Variants in LRP1B observed in about 807,000 individuals in gnomAD.
LRP1B encodes the protein LDL receptor related protein 1B.
A neutral mutation model predicts 556.6 loss-of-function variants in LRP1B; 217 were observed. The ratio of observed to expected loss-of-function variants is 0.39; its 90% confidence interval spans 0.35 to 0.44. The LOEUF is 0.44. Among genes scored for constraint, LRP1B ranks in the 20% least tolerant of loss-of-function variants. The pLI is 1.00. For synonymous variants in LRP1B, 2,047 were observed against 1,865.8 expected (o/e 1.10, Z -2.50); for missense variants, 5,053 against 5,620.8 (o/e 0.90, Z 3.23).
intron 1 of LRP1B, among the ~76,000 whole-genome samples, chr2:141,838,004 TAAA>T (rs945436206): frequency 6.6e-6 from 1 of 151,906 alleles, no homozygotes; most frequent in Non-Finnish European, 1.5e-5. Context: ...AGAATAGGAG[TAAA>T]CGTGGAGCCG....
chr2:140,560,937 AG>A (rs1680906924), intron 43 of LRP1B, among the ~76,000 whole-genome samples: 1 of 152,196 alleles, frequency 6.6e-6, no homozygotes, highest in Admixed American at 6.5e-5. Context: ...ACACACAAAA[AG>A]AAAGATAAAT....
chr2:141,774,427 G>C (rs1265602805), intron 2 of LRP1B, among the ~76,000 whole-genome samples: 1 of 152,066 alleles, frequency 6.6e-6, no homozygotes, highest in South Asian at 2.1e-4. Flanking sequence ...GATCTTGTGT[G>C]CACTAATGAG....
chr2:140,438,028 G>A (rs1558882573), intron 66 of LRP1B, among the ~76,000 whole-genome samples: 1 of 151,964 alleles, frequency 6.6e-6, no homozygotes, highest in Non-Finnish European at 1.5e-5. Flanking sequence ...TTGATTGTTT[G>A]TTTTTTCTGA....
intron 45 of LRP1B, among the ~76,000 whole-genome samples, chr2:140,539,931 A>T (rs981843595): frequency 6.6e-6 from 1 of 152,062 alleles, no homozygotes; most frequent in African/African-American, 2.4e-5. Flanking sequence ...TTTTGCTAAG[A>T]GGTGCCTTTT....
intron 35 of LRP1B, among the ~76,000 whole-genome samples, chr2:140,738,287 T>C (rs1426202701): frequency 6.6e-6 from 1 of 152,096 alleles, no homozygotes; most frequent in African/African-American, 2.4e-5. Context: ...GGTAGTTTCA[T>C]TGACCTCCCT....
intron 18 of LRP1B, among the ~76,000 whole-genome samples, chr2:140,965,604 G>A (rs984681705): frequency 3.3e-5 from 5 of 151,740 alleles, no homozygotes; most frequent in East Asian, 1.9e-4. Context: ...TTTGCACAAC[G>A]TGCAGATTTG....
At chr2:141,752,987 A>C (rs1027564469) in intron 2 of LRP1B, among the ~76,000 whole-genome samples, 42 of 136,630 alleles carry the variant, frequency 3.1e-4, no homozygotes, top group Non-Finnish European at 6.1e-4. Context: ...TGGCTCGAAC[A>C]CCTGTAATCC....
chr2:140,807,723 G>A (rs927305872), intron 32 of LRP1B, among the ~76,000 whole-genome samples: 1 of 152,034 alleles, frequency 6.6e-6, no homozygotes, highest in African/African-American at 2.4e-5. Flanking sequence ...ATATCTAAGA[G>A]AAAAGGTTGT....
intron 1 of LRP1B, among the ~76,000 whole-genome samples, chr2:142,088,862 C>T (rs1360230911): frequency 6.6e-6 from 1 of 151,362 alleles, no homozygotes; most frequent in East Asian, 1.9e-4. Context: ...GTAGTCCCAG[C>T]TACTCGGGAG....
chr2:141,517,584 G>A (rs1304111873), intron 2 of LRP1B, among the ~76,000 whole-genome samples: 3 of 152,146 alleles, frequency 2.0e-5, no homozygotes, highest in Non-Finnish European at 4.4e-5. Context: ...TTTTAATTAT[G>A]TCTGAGTTTC....
At chr2:142,076,666 C>T (rs766334255) in intron 1 of LRP1B, among the ~76,000 whole-genome samples, 1 of 152,024 alleles carries the variant, frequency 6.6e-6, no homozygotes, top group African/African-American at 2.4e-5. Flanking sequence ...AACAAGGGAA[C>T]ATTCAGTAGT....
At chr2:141,578,487 T>C (rs1228305043) in intron 2 of LRP1B, among the ~76,000 whole-genome samples, 1 of 151,884 alleles carries the variant, frequency 6.6e-6, no homozygotes, top group Non-Finnish European at 1.5e-5. Flanking sequence ...CAGTGAATGC[T>C]AGATGAGAAG....
chr2:141,215,766 G>A (rs1182028242), intron 6 of LRP1B, among the ~76,000 whole-genome samples: 1 of 152,224 alleles, frequency 6.6e-6, no homozygotes, highest in Non-Finnish European at 1.5e-5. Context: ...CTTCTAAGCA[G>A]CAAAGCATTC....
At chr2:141,801,676 C>A (rs1470172268) in intron 2 of LRP1B, among the ~76,000 whole-genome samples, 1 of 152,082 alleles carries the variant, frequency 6.6e-6, no homozygotes, top group East Asian at 1.9e-4. Context: ...CATAGTAACT[C>A]TGTATAATTA....
chr2:141,148,371 T>A (rs923858149), intron 7 of LRP1B, among the ~76,000 whole-genome samples: 1 of 151,544 alleles, frequency 6.6e-6, no homozygotes, highest in Non-Finnish European at 1.5e-5. Flanking sequence ...AATCAATTTG[T>A]GCAGATGAAT....
intron 3 of LRP1B, among the ~76,000 whole-genome samples, chr2:141,269,384 A>T (rs2679444): frequency 0.045 from 6,909 of 152,278 alleles, 173 homozygotes; most frequent in South Asian, 0.11. Flanking sequence ...ATTTATGCAA[A>T]AAAGCATTTT....
intron 83 of LRP1B, among the ~76,000 whole-genome samples, chr2:140,299,916 G>T (rs1683749069): frequency 6.6e-6 from 1 of 152,120 alleles, no homozygotes; most frequent in African/African-American, 2.4e-5. Flanking sequence ...TGTGATCACT[G>T]TGGATTCATT....
At chr2:141,195,066 G>T (rs183065380) in intron 6 of LRP1B, among the ~76,000 whole-genome samples, 1 of 152,196 alleles carries the variant, frequency 6.6e-6, no homozygotes, top group East Asian at 1.9e-4. Context: ...CCTCCTGAAG[G>T]TGGGCTGTTC....
chr2:141,062,073 T>C lies in LRP1B; in HGVS notation c.1214A>G (p.His405Arg). ...TACTTGTCTGCCTTGAATGACAGTGTGTCTATTTTTTCCTTGATAGTCCAC... is the reference window on the plus strand; with the variant it reads ...TACTTGTCTGCCTTGAATGACAGTGCGTCTATTTTTTCCTTGATAGTCCAC... ...GVVDYQGKNR[H>R]TVIQGRQVRH... Residue 405 changes from histidine to arginine, a missense_variant, in exon 8 of 91, where the codon CAC becomes CGC. Physicochemically the swap from His to Arg is conservative, Grantham distance 29. Coordinates refer to ENST00000389484, the MANE Select transcript of LRP1B (RefSeq NM_018557.3). 1 of 1,611,738 alleles carries C rather than the reference T, an allele frequency of 6.2e-7. No individual in the cohort carries two copies. Among genetic ancestry groups the C allele is most frequent in the Non-Finnish European group, 8.5e-7 (1 of 1,178,410 alleles).
Sources: gnomAD v4.1 joint callset for allele counts (sites outside exome capture counted in the v4.1 genomes callset) on GRCh38, gnomAD v4.1.1 for gene constraint, MANE v1.5 for transcripts, NCBI Gene and HGNC (gene_info 2026-07-23, HGNC 2026-07-21) for gene names.